Variants in LIMCH1 observed in about 807,000 individuals in gnomAD.
LIMCH1 encodes LIM and calponin homology domains 1, also known as LIM and calponin homology domains-containing protein 1.
A neutral mutation model predicts 176.5 loss-of-function variants in LIMCH1; 113 were observed. The observed-to-expected ratio is 0.64, with a 90% CI of 0.55 to 0.75. LIMCH1 has a LOEUF of 0.75. Among genes scored for constraint, LIMCH1 ranks in the 30% least tolerant of loss-of-function variants. LIMCH1 has a pLI of 0.00. For missense variants in LIMCH1, 1,674 were observed against 1,814.9 expected (o/e 0.92, Z 1.41); for synonymous variants, 619 against 645.9 (o/e 0.96, Z 0.63).
intron 19 of LIMCH1, among the ~76,000 whole-genome samples, chr4:41,662,526 T>C (rs1451805403): frequency 6.6e-6 from 1 of 152,228 alleles, no homozygotes; most frequent in Non-Finnish European, 1.5e-5. Flanking sequence ...GTGTCAGCAT[T>C]CTGTTCCATG....
At chr4:41,581,501 G>A (rs2085428225) in intron 1 of LIMCH1, among the ~76,000 whole-genome samples, 1 of 152,030 alleles carries the variant, frequency 6.6e-6, no homozygotes, top group African/African-American at 2.4e-5. Context: ...TGTGAGTTCA[G>A]TGACTTTAAA....
At chr4:41,533,642 A>G (rs996425948), upstream of LIMCH1, among the ~76,000 whole-genome samples, 2 of 152,238 alleles carry the variant, frequency 1.3e-5, no homozygotes, top group South Asian at 2.1e-4. Context: ...TTAGGAGACT[A>G]CTTTCTAGAA....
chr4:41,609,096 A>T (rs1159037704), intron 4 of LIMCH1, among the ~76,000 whole-genome samples: 1 of 152,100 alleles, frequency 6.6e-6, no homozygotes, highest in Non-Finnish European at 1.5e-5. Context: ...TGATACCGTG[A>T]CTGGCCCAGG....
chr4:41,456,693 C>T (rs1163100380), intron 1 of LIMCH1, among the ~76,000 whole-genome samples: 1 of 152,188 alleles, frequency 6.6e-6, no homozygotes, highest in African/African-American at 2.4e-5. Context: ...AAAACAATGA[C>T]AGCATTTGTT....
chr4:41,378,527 T>TAAGCAATGGGGTATGAA (rs2055129351), intron 1 of LIMCH1, among the ~76,000 whole-genome samples: 1 of 152,222 alleles, frequency 6.6e-6, no homozygotes, highest in Non-Finnish European at 1.5e-5. Context: ...ATTTTATCTG[T>TAAGCAATGGGGTATGAA]AAGCAATGGG....
chr4:41,694,136 CA>C (rs1317406593), intron 31 of LIMCH1, among the ~76,000 whole-genome samples: 2 of 152,060 alleles, frequency 1.3e-5, no homozygotes, highest in African/African-American at 2.4e-5. Context: ...AGGTAGGCCA[CA>C]AAAATGATTT....
intron 1 of LIMCH1, among the ~76,000 whole-genome samples, chr4:41,489,307 T>A (rs919486296): frequency 6.6e-6 from 1 of 152,192 alleles, no homozygotes; most frequent in Non-Finnish European, 1.5e-5. Context: ...GTTTTTCAGT[T>A]TTGTATCTGA....
intron 2 of LIMCH1, among the ~76,000 whole-genome samples, chr4:41,502,307 A>G (rs1242737420): frequency 6.6e-6 from 1 of 152,068 alleles, no homozygotes; most frequent in Non-Finnish European, 1.5e-5. Context: ...TATCCAGTCT[A>G]TCACTGATGG....
rs563700680 is a variant in LIMCH1, at chr4:41,372,239, A to T, written c.96+11303A>T. Among the ~76,000 whole-genome samples, 24 of 152,248 alleles carry T rather than the reference A, an allele frequency of 1.6e-4. No individual in the cohort carries two copies. The East Asian group carries it at 4.6e-3, about 29-fold the overall frequency. On this transcript the variant is annotated intron_variant, in intron 1 of 26. Transcript: ENST00000313860. ...TGTAATCTTCCGTTTGTTCTGTAAT[A>T]GGAAATAGAAAACATCTTTTTATGT...
chr4:41,373,933 C>A (rs1176385023), intron 1 of LIMCH1, among the ~76,000 whole-genome samples: 2 of 152,146 alleles, frequency 1.3e-5, no homozygotes, highest in Non-Finnish European at 2.9e-5. Flanking sequence ...TAGTACCTCC[C>A]CCTGCTCTCT....
At chr4:41,480,912 C>T (rs922058342) in intron 1 of LIMCH1, among the ~76,000 whole-genome samples, 1 of 152,168 alleles carries the variant, frequency 6.6e-6, no homozygotes, top group Admixed American at 6.5e-5. Context: ...TAAAGCCACT[C>T]GCATGTCTCC....
At chr4:41,670,853 A>G (rs564907471) in intron 21 of LIMCH1, 156 of 1,528,186 alleles carry the variant, frequency 1.0e-4, no homozygotes, top group Middle Eastern at 3.4e-4. Context: ...GGGGCGATCA[A>G]TGATGTGTGG....
intron 3 of LIMCH1, among the ~76,000 whole-genome samples, chr4:41,526,786 T>A (rs1412208330): frequency 6.6e-6 from 1 of 152,226 alleles, no homozygotes; most frequent in Non-Finnish European, 1.5e-5. Context: ...TGCACCTATT[T>A]CCCAATGTAA....
intron 10 of LIMCH1, 111 bp from the exon 11 acceptor site, chr4:41,632,638 G>T: frequency 1.1e-5 from 9 of 826,564 alleles, no homozygotes; most frequent in South Asian, 7.9e-5. Flanking sequence ...TTTGGAATGA[G>T]AGCAGCCACA....
intron 1 of LIMCH1, among the ~76,000 whole-genome samples, chr4:41,453,938 C>A (rs2064200607): frequency 6.6e-6 from 1 of 152,106 alleles, no homozygotes. Context: ...TGCCTCCCCT[C>A]TTCTACCCTT....
At chr4:41,394,137 G>T (rs760624611) in intron 1 of LIMCH1, among the ~76,000 whole-genome samples, 3 of 151,966 alleles carry the variant, frequency 2.0e-5, no homozygotes, top group Non-Finnish European at 4.4e-5. Context: ...TTCCATTTCC[G>T]TAGTGTGCTA....
intron 18 of LIMCH1, 73 bp downstream of exon 18, chr4:41,650,681 T>C (rs1291567233): frequency 2.4e-6 from 3 of 1,255,438 alleles, no homozygotes; most frequent in East Asian, 5.0e-5. Context: ...TAAAAATAAG[T>C]AGGTCATGAT....
intron 21 of LIMCH1, among the ~76,000 whole-genome samples, chr4:41,667,428 TACAC>T (rs75854912): frequency 0.075 from 11,432 of 151,612 alleles, 516 homozygotes; most frequent in South Asian, 0.14. Flanking sequence ...GTGTGTGTAA[TACAC>T]ATACATAATA....
chr4:41,460,946 T>C (rs564238573), intron 1 of LIMCH1, among the ~76,000 whole-genome samples: 2 of 152,344 alleles, frequency 1.3e-5, no homozygotes, highest in East Asian at 3.9e-4. Context: ...TTAATATTTT[T>C]TTAAAACAAA....
Sources: gnomAD v4.1 joint callset for allele counts (sites outside exome capture counted in the v4.1 genomes callset) on GRCh38, gnomAD v4.1.1 for gene constraint, MANE v1.5 for transcripts, NCBI Gene and HGNC (gene_info 2026-07-23, HGNC 2026-07-21) for gene names.